Variants in PTMA observed in about 807,000 individuals in gnomAD.
PTMA encodes the protein prothymosin alpha, also known as gene sequence 28.
In PTMA, 4 loss-of-function variants were observed where a neutral mutation model predicts 16.9. The ratio of observed to expected loss-of-function variants is 0.24; its 90% CI spans 0.12 to 0.54. The LOEUF (loss-of-function observed/expected upper bound fraction) is 0.54, where lower values mean the gene tolerates loss of function less well. Among genes scored for constraint, PTMA ranks in the 20% least tolerant of loss-of-function variants. The pLI is 0.95. For synonymous variants in PTMA, 58 were observed against 47.9 expected (o/e 1.21, Z -0.87); for missense variants, 120 against 137.7 (o/e 0.87, Z 0.64).
At chr2:231,710,217 G>A (rs773092118) in intron 1 of PTMA, 3 of 1,342,788 alleles carry the variant, frequency 2.2e-6, no homozygotes, top group Admixed American at 3.1e-5. Flanking sequence ...CGGCAGTGGG[G>A]CGTCGAGTCG....
Position 231,712,816 on chromosome 2 carries a change from G to T in PTMA, c.298G>T (p.Asp100Tyr). ...AAEDDEDDDV[D>Y]TKKQKTDEDD ...TTTCTCTGCTTAGGATGACGATGTC[G>T]ATACCAAGAAGCAGAAGACCGACGA... is the stretch of plus-strand genomic sequence containing the variant. Residue 100 changes from aspartate (D) to tyrosine (Y), a missense_variant, in exon 5 of 5, where the codon GAT (aspartate) becomes TAT (tyrosine). By Grantham distance (160) the Asp-to-Tyr change is radical (BLOSUM62 -3). Transcript: ENST00000409115. The T allele has an allele frequency of 6.3e-7, 1 of 1,592,686 alleles. No individual in the cohort carries two copies.
chr2:231,710,759 G>GC (rs1216957925), intron 1 of PTMA: 1 of 330,570 alleles, frequency 3.0e-6, no homozygotes, highest in African/African-American at 2.3e-5. Flanking sequence ...GCACCGCCAA[G>GC]CAGCGGTTTG....
intron 1 of PTMA, chr2:231,711,134 G>A (rs1330977818): frequency 4.3e-6 from 2 of 465,984 alleles, no homozygotes; most frequent in Non-Finnish European, 7.6e-6. Context: ...GGCCTTAAAG[G>A]ATGGGAAACC....
chr2:231,712,062 G>T, intron 3 of PTMA, 79 bp downstream of exon 3: 1 of 1,544,944 alleles, frequency 6.5e-7, no homozygotes, highest in Non-Finnish European at 8.7e-7. Context: ...GAAGGAATTG[G>T]GGCTCCTGGG....
intron 3 of PTMA, 123 bp from the exon 4 acceptor site, chr2:231,712,320 G>T: frequency 9.3e-7 from 1 of 1,075,484 alleles, no homozygotes; most frequent in Non-Finnish European, 1.4e-6. Context: ...GCCCTGATTG[G>T]GCCCAGTTGC....
rs1559287952 is a variant in PTMA at position 231,711,416 on chromosome 2, T to C, written c.114T>C (p.Asn38=). The change falls in exon 2 of 5, where the codon AAT becomes AAC. Residue 38 remains asparagine, a synonymous_variant. Transcript: ENST00000409115. The part of the protein sequence containing the change: ...ENGRDAPANG[N]ANEENGEQEA... ...GAAGAGACGCCCCTGCTAACGGGAA[T>C]GCTGTGAGTGTCTGCTTTGCTCCTG... is the stretch of plus-strand genomic sequence containing the variant. 1 of 1,614,116 alleles carries C rather than the reference T, an allele frequency of 6.2e-7. No individual in the cohort carries two copies. The highest frequency in any genetic ancestry group is 2.2e-5 in the East Asian group (1 of 44,892).
In PTMA at chr2:231,708,556, G is replaced by A. The variant is rs1313225553; in HGVS notation, c.-151G>A. On this transcript the variant is annotated 5_prime_UTR_variant, in exon 1 of 5. Transcript: ENST00000409115. ...CTGGCTGCTCTGAAAAGCCATCTTTGCATTGTTCCTCATCCGCCTCCTTGC... is the reference window on the plus strand; with the variant it reads ...CTGGCTGCTCTGAAAAGCCATCTTTACATTGTTCCTCATCCGCCTCCTTGC... The A allele has an allele frequency of 3.4e-6, 3 of 873,696 alleles. No individual in the cohort carries two copies. The highest frequency in any genetic ancestry group is 1.4e-5 in the South Asian group (1 of 72,916). 54.1% of individuals were successfully genotyped at this position (873,696 alleles called of 1,614,324 possible).
At chr2:231,710,796 T>C (rs2048508437) in intron 1 of PTMA, 1 of 319,376 alleles carries the variant, frequency 3.1e-6, no homozygotes, top group East Asian at 1.5e-4. Context: ...CGGTCGGATT[T>C]GGGGGGTCGG....
At position 231,711,837 on chromosome 2, in the gene PTMA, C is replaced by G. The variant is rs201354639; in HGVS notation, c.118-53C>G. On this transcript the variant is annotated intron_variant, in intron 2 of 4. Transcript: ENST00000409115. ...GAGGCCGGGCATCAGGAGCAACGCTCTGTCCAGCCTGGGGCCAGCTGGTAA... is the reference window on the plus strand; with the variant it reads ...GAGGCCGGGCATCAGGAGCAACGCTGTGTCCAGCCTGGGGCCAGCTGGTAA... 2.2e-5 allele frequency: 35 copies of G among 1,600,292 alleles called. No homozygotes were observed. The South Asian group carries it at 2.9e-4, about 13-fold the overall frequency.
At chr2:231,712,319 G>T (rs2048529003) in intron 3 of PTMA, 124 bp from the exon 4 acceptor site, 2 of 1,061,236 alleles carry the variant, frequency 1.9e-6, no homozygotes, top group Non-Finnish European at 2.8e-6. Context: ...TGCCCTGATT[G>T]GGCCCAGTTG....
rs2048470612 is a variant in PTMA at position 231,708,600 on chromosome 2, C to T, written c.-107C>T. The T allele has an allele frequency of 3.5e-6, 5 of 1,441,604 alleles. No individual in the cohort carries two copies. The highest frequency in any genetic ancestry group is 9.6e-7 in the Non-Finnish European group (1 of 1,042,094). The allele number at this position is 1,441,604 out of a possible 1,614,324, so 89.3% of individuals were successfully genotyped here. On this transcript the variant is annotated 5_prime_UTR_variant, in exon 1 of 5. Transcript: ENST00000409115. Reference sequence around the variant, plus strand: ...TCCTTGCTCGCCGCAGCCGCCTCCGCCGCGCGCCTCCTCCGCCGCCGCGGA... The same window carrying T: ...TCCTTGCTCGCCGCAGCCGCCTCCGTCGCGCGCCTCCTCCGCCGCCGCGGA...
chr2:231,710,577 G>A (rs1159917410), intron 1 of PTMA: 2 of 535,926 alleles, frequency 3.7e-6, no homozygotes, highest in Non-Finnish European at 6.8e-6. Context: ...CCCGGACGCC[G>A]GACCTCTGTT....
At chr2:231,709,915 ACTT>A (rs1187606230) in intron 1 of PTMA, 3 of 435,744 alleles carry the variant, frequency 6.9e-6, no homozygotes, top group Middle Eastern at 6.6e-4. Flanking sequence ...CCCAGGGGCG[ACTT>A]CTTGGCAGAG....
chr2:231,711,208 G>C (rs1398194781), intron 1 of PTMA, 140 bp from the exon 2 acceptor site: 9 of 675,778 alleles, frequency 1.3e-5, no homozygotes, highest in Non-Finnish European at 1.8e-5. Flanking sequence ...GACCGCAGGG[G>C]CATCAGGCCT....
In PTMA at chr2:231,712,725, C is replaced by T. The variant is rs1326254346; in HGVS notation, c.286-79C>T. The stretch of plus-strand genomic sequence containing the variant: ...GAGCTGGGGGTCCCTGGTTCTTGCT[C>T]TGCCAGCAGGAGCTGAGGCAGTGGG... On this transcript the variant is annotated intron_variant, in intron 4 of 4. Coordinates refer to ENST00000409115, the MANE Select transcript of PTMA (RefSeq NM_002823.5). 3.7e-5 allele frequency: 56 copies of T among 1,512,658 alleles called. No homozygotes were observed. In the East Asian group the frequency reaches 9.4e-4, roughly 25 times the overall value. 93.7% of individuals were successfully genotyped at this position (1,512,658 alleles called of 1,614,324 possible).
chr2:231,711,847 T>A, intron 2 of PTMA, 43 bp from the exon 3 acceptor site: 2 of 1,609,526 alleles, frequency 1.2e-6, no homozygotes, highest in South Asian at 2.2e-5. Context: ...CTGTCCAGCC[T>A]GGGGCCAGCT....
chr2:231,712,699 G>A lies in PTMA; in HGVS notation c.286-105G>A, dbSNP rs1442542213. The stretch of plus-strand genomic sequence containing the variant: ...CAACTTCCCAGAGGCCTTGGGCTGT[G>A]GAGCTGGGGGTCCCTGGTTCTTGCT... On this transcript the variant is annotated intron_variant, in intron 4 of 4. Coordinates refer to ENST00000409115, the MANE Select transcript of PTMA (RefSeq NM_002823.5). 8 of 1,422,056 alleles carry A rather than the reference G, an allele frequency of 5.6e-6. No homozygotes were observed. The African/African-American group carries it at 7.2e-5, about 13-fold the overall frequency. The allele number at this position is 1,422,056 out of a possible 1,614,324, so 88.1% of individuals were successfully genotyped here. A position where few individuals can be genotyped will look rare whatever the true frequency, so the allele number is the denominator to read the frequency against.
Position 231,711,930 on chromosome 2 carries a change from A to C in PTMA, c.158A>C (p.Asp53Ala). The C allele has an allele frequency of 6.2e-7, 1 of 1,605,842 alleles. No individual in the cohort carries two copies. The change falls in exon 3 of 5, where the codon GAC becomes GCC. Residue 53 changes from aspartate (D) to alanine (A), a missense_variant. Physicochemically the swap from Asp to Ala is moderately radical, Grantham distance 126. Transcript: ENST00000409115. ...GAGCAGGAGGCTGACAATGAGGTAG[A>C]CGAAGAAGAGGAAGAAGGTGGGGAG... is the stretch of plus-strand genomic sequence containing the variant. ...NGEQEADNEV[D>A]EEEEEGGEEE...
chr2:231,711,728 G>C, intron 2 of PTMA, 162 bp from the exon 3 acceptor site: 1 of 1,313,008 alleles, frequency 7.6e-7, no homozygotes, highest in Middle Eastern at 2.7e-4. Context: ...TCATGATGGA[G>C]CCTGGAGGGT....
Sources: allele counts gnomAD v4.1 joint callset, GRCh38; gene constraint gnomAD v4.1.1; transcripts MANE v1.5; gene names NCBI Gene and HGNC (gene_info 2026-07-23, HGNC 2026-07-21).